Variants in NAB1 observed in about 807,000 individuals in gnomAD.
The protein encoded by NAB1 is NGFI-A binding protein 1.
Under a neutral mutation model 49.9 loss-of-function variants are expected in NAB1, and 25 were observed. The ratio of observed to expected loss-of-function variants is 0.50; its 90% CI spans 0.37 to 0.70. The LOEUF is 0.70. NAB1 is among the 30% of genes least tolerant of loss of function. NAB1 has a pLI of 0.00. For missense variants in NAB1, 489 were observed against 575.9 expected (o/e 0.85, Z 1.54); for synonymous variants, 198 against 215.6 (o/e 0.92, Z 0.71).
chr2:190,659,839 G>T lies in NAB1; in HGVS notation c.663G>T (p.Leu221=). 2 of 1,614,224 alleles carry T rather than the reference G, an allele frequency of 1.2e-6. No homozygotes were observed. Among genetic ancestry groups the T allele is most frequent in the Middle Eastern group, 1.6e-4 (1 of 6,062 alleles). ...PKSDLNEVKE[L]LKTNKKLAKM... ...GTGACTTGAATGAAGTGAAAGAGCT[G>T]CTAAAAACCAACAAGAAGTTGGCCA... is the stretch of plus-strand genomic sequence containing the variant. The change falls in exon 4 of 10, where the codon CTG becomes CTT. Residue 221 remains leucine (L), a synonymous_variant. Transcript: ENST00000337386. The surrounding 1 kb of genome is among the most constrained non-coding windows in gnomAD (Gnocchi z 6.2).
intron 3 of NAB1, among the ~76,000 whole-genome samples, chr2:190,656,808 TA>T: frequency 6.6e-6 from 1 of 152,308 alleles, no homozygotes. Context: ...TTATTGCTCA[TA>T]AAAAGATTTA....
chr2:190,650,233 C>A (rs1693592048), intron 2 of NAB1, among the ~76,000 whole-genome samples: 1 of 152,016 alleles, frequency 6.6e-6, no homozygotes, highest in Admixed American at 6.6e-5. Context: ...CCCTGAGATT[C>A]GGGAGGCACG....
intron 6 of NAB1, among the ~76,000 whole-genome samples, chr2:190,683,081 A>G (rs10195660): frequency 0.23 from 35,382 of 151,918 alleles, 4,211 homozygotes; most frequent in Middle Eastern, 0.27. Flanking sequence ...ACTAGGTTAA[A>G]TGTTTTTTAT....
chr2:190,672,961 G>T (rs1260025854), intron 5 of NAB1, 140 bp from the exon 6 acceptor site: 1 of 704,220 alleles, frequency 1.4e-6, no homozygotes, highest in Admixed American at 2.8e-5. Context: ...TTATTTTAAT[G>T]ATCATTATGA....
Position 190,675,534 on chromosome 2 carries a change from C to G in NAB1, c.1005+2382C>G, listed in dbSNP as rs769940518. Among the ~76,000 whole-genome samples the G allele has an allele frequency of 6.6e-6, 1 of 152,148 alleles. No individual in the cohort carries two copies. The highest frequency in any genetic ancestry group is 1.5e-5 in the Non-Finnish European group (1 of 68,028). On this transcript the variant is annotated intron_variant, in intron 6 of 9. Transcript: ENST00000337386. This position sits in a 1 kb window ranked among gnomAD's most constrained non-coding sequence, Gnocchi z 5.2. ...GAGATACTTGAGTTATAGTTCTATACGGTTAGTTTATTGGTTTACTGGAGG... is the reference window on the plus strand; with the variant it reads ...GAGATACTTGAGTTATAGTTCTATAGGGTTAGTTTATTGGTTTACTGGAGG...
Position 190,651,834 on chromosome 2 carries a change from A to G in NAB1, c.-197+1852A>G, listed in dbSNP as rs1693682666. Among the ~76,000 whole-genome samples, 1 of 152,214 alleles carries G rather than the reference A, an allele frequency of 6.6e-6. No individual in the cohort carries two copies. Among genetic ancestry groups the G allele is most frequent in the Non-Finnish European group, 1.5e-5 (1 of 68,032 alleles). On this transcript the variant is annotated intron_variant, in intron 2 of 9. Transcript: ENST00000337386. The surrounding 1 kb of genome is among the most constrained non-coding windows in gnomAD (Gnocchi z 4.3). ...TATAATATGTTTTGAACAGTTTAAG[A>G]TCATGCTAATGTATAATCAACCCGT...
At position 190,682,290 on chromosome 2, in the gene NAB1, A is replaced by G. The variant is rs1695387657; in HGVS notation, c.1006-1448A>G. 6.6e-6 allele frequency among the ~76,000 whole-genome samples: 1 copy of G among 152,216 alleles called. No individual in the cohort carries two copies. Among genetic ancestry groups the G allele is most frequent in the South Asian group, 2.1e-4 (1 of 4,832 alleles). Reference sequence around the variant, plus strand: ...CTTTATCTCATTTGGTCCTCACAACAATCCTAATAGATAGGTTCTCCTATC... The same window carrying G: ...CTTTATCTCATTTGGTCCTCACAACGATCCTAATAGATAGGTTCTCCTATC... On this transcript the variant is annotated intron_variant, in intron 6 of 9. Transcript: ENST00000337386. The surrounding 1 kb of genome is among the most constrained non-coding windows in gnomAD (Gnocchi z 4.1).
intron 2 of NAB1, among the ~76,000 whole-genome samples, chr2:190,653,083 G>C (rs1304025839): frequency 6.6e-6 from 1 of 152,182 alleles, no homozygotes; most frequent in Non-Finnish European, 1.5e-5. Context: ...CCCTGACACA[G>C]AGGCTCATCC....
Position 190,684,986 on chromosome 2 carries a change from G to GA in NAB1, c.1096-488dup, listed in dbSNP as rs1426531705. On this transcript the variant is annotated intron_variant, in intron 7 of 9. Coordinates refer to ENST00000337386, the MANE Select transcript of NAB1 (RefSeq NM_005966.4). This position sits in a 1 kb window ranked among gnomAD's most constrained non-coding sequence, Gnocchi z 4.6. ...AATTTACATTGTTTAATTTTAGTGG[G>GA]AAGTGTATTTGTCTTGTTCTTCTAG... is the stretch of plus-strand genomic sequence containing the variant. 6.6e-6 allele frequency among the ~76,000 whole-genome samples: 1 copy of GA among 152,126 alleles called. No homozygotes were observed. Among genetic ancestry groups the GA allele is most frequent in the Non-Finnish European group, 1.5e-5 (1 of 68,008 alleles).
chr2:190,674,835 G>A lies in NAB1; in HGVS notation c.1005+1683G>A, dbSNP rs1424704466. On this transcript the variant is annotated intron_variant, in intron 6 of 9. Transcript: ENST00000337386. The surrounding 1 kb of genome is among the most constrained non-coding windows in gnomAD (Gnocchi z 5.7). The stretch of plus-strand genomic sequence containing the variant: ...GGAGGCCAAGACAGAAGGATTGCTT[G>A]AGCTCAGGAGGTCGAGACCAGCCTG... 1.3e-5 allele frequency among the ~76,000 whole-genome samples: 2 copies of A among 152,182 alleles called. No individual in the cohort carries two copies. Among genetic ancestry groups the A allele is most frequent in the African/African-American group, 4.8e-5 (2 of 41,446 alleles).
chr2:190,664,719 A>T (rs1272960381), intron 4 of NAB1, among the ~76,000 whole-genome samples: 1 of 146,374 alleles, frequency 6.8e-6, no homozygotes, highest in East Asian at 2.0e-4. Context: ...GACGTGAGCC[A>T]CCACACCTGG....
In NAB1 at chr2:190,692,505, A is replaced by C. The variant is rs1236310756; in HGVS notation, c.*2172A>C. On this transcript the variant is annotated 3_prime_UTR_variant, in exon 10 of 10. Coordinates refer to ENST00000337386, the MANE Select transcript of NAB1 (RefSeq NM_005966.4). This position sits in a 1 kb window ranked among gnomAD's most constrained non-coding sequence, Gnocchi z 5.2. ...AAACTTGCTATACATTAAAGCAAAT[A>C]ATATATATTTTTATTTGAATTGTAT... 2.0e-5 allele frequency: 3 copies of C among 152,656 alleles called. No homozygotes were observed. Among genetic ancestry groups the C allele is most frequent in the Admixed American group, 6.5e-5 (1 of 15,288 alleles). 9.5% of individuals were successfully genotyped at this position (152,656 alleles called of 1,614,324 possible).
At chr2:190,662,081 A>C (rs1167381122) in intron 4 of NAB1, among the ~76,000 whole-genome samples, 1 of 152,202 alleles carries the variant, frequency 6.6e-6, no homozygotes, top group Non-Finnish European at 1.5e-5. Flanking sequence ...CAATTTCCAC[A>C]TAAGGAATAC....
rs940498618 is a variant in NAB1 at position 190,667,010 on chromosome 2, A to G, written c.820-3316A>G. ...CAGCTAGGGAGCATGAAATCTAGGT[A>G]ACTCTGACAGAACACGTGTTTTTAA... On this transcript the variant is annotated intron_variant, in intron 4 of 9. Transcript: ENST00000337386. This position sits in a 1 kb window ranked among gnomAD's most constrained non-coding sequence, Gnocchi z 4.4. Among the ~76,000 whole-genome samples, 4 of 152,200 alleles carry G rather than the reference A, an allele frequency of 2.6e-5. No individual in the cohort carries two copies. The highest frequency in any genetic ancestry group is 5.9e-5 in the Non-Finnish European group (4 of 68,034).
rs1693958845 is a variant in NAB1 at position 190,657,049 on chromosome 2, T to C, written c.-20+896T>C. Among the ~76,000 whole-genome samples the C allele has an allele frequency of 6.6e-6, 1 of 152,232 alleles. No individual in the cohort carries two copies. The highest frequency in any genetic ancestry group is 2.1e-4 in the South Asian group (1 of 4,828). On this transcript the variant is annotated intron_variant, in intron 3 of 9. Transcript: ENST00000337386. This position sits in a 1 kb window ranked among gnomAD's most constrained non-coding sequence, Gnocchi z 4.4. Reference sequence around the variant, plus strand: ...ATACACATTACACATGTACTTTTTTTTTCTGTATTGCGTTGAAAGCCTATG... The same window carrying C: ...ATACACATTACACATGTACTTTTTTCTTCTGTATTGCGTTGAAAGCCTATG...
chr2:190,659,412 C>G lies in NAB1; in HGVS notation c.236C>G (p.Pro79Arg), dbSNP rs1336109000. ...GCTTTGAGAGACTGGGTCACAAACC[C>G]TGGGCTTTTCAATCAGCCACTGACT... Reference protein sequence around the residue: ...QKALRDWVTNPGLFNQPLTSL... With the variant: ...QKALRDWVTNRGLFNQPLTSL... The change falls in exon 4 of 10, where the codon CCT becomes CGT. Residue 79 changes from proline to arginine, a missense_variant. Coordinates refer to ENST00000337386, the MANE Select transcript of NAB1 (RefSeq NM_005966.4). The surrounding 1 kb of genome is among the most constrained non-coding windows in gnomAD (Gnocchi z 6.2). 2.5e-6 allele frequency: 4 copies of G among 1,614,150 alleles called. No individual in the cohort carries two copies. The South Asian group carries it at 4.4e-5, about 18-fold the overall frequency.
At position 190,680,674 on chromosome 2, in the gene NAB1, C is replaced by G. The variant is rs1335233536; in HGVS notation, c.1006-3064C>G. Among the ~76,000 whole-genome samples the G allele has an allele frequency of 6.6e-6, 1 of 152,172 alleles. No individual in the cohort carries two copies. Among genetic ancestry groups the G allele is most frequent in the African/African-American group, 2.4e-5 (1 of 41,438 alleles). On this transcript the variant is annotated intron_variant, in intron 6 of 9. Coordinates refer to ENST00000337386, the MANE Select transcript of NAB1 (RefSeq NM_005966.4). This position sits in a 1 kb window ranked among gnomAD's most constrained non-coding sequence, Gnocchi z 5.2. The stretch of plus-strand genomic sequence containing the variant: ...CAGTGTTCTTTTCACTGAGATAGTT[C>G]CCCACGAATGTGCTTAATATTCTCT...
At chr2:190,671,984 C>G (rs1694837980) in intron 5 of NAB1, among the ~76,000 whole-genome samples, 1 of 152,034 alleles carries the variant, frequency 6.6e-6, no homozygotes, top group Admixed American at 6.5e-5. Context: ...CCATGTTGGC[C>G]AGGATGGTCT....
rs1695197638 is a variant in NAB1, at chr2:190,678,867, T to C, written c.1006-4871T>C. Among the ~76,000 whole-genome samples, 1 of 152,170 alleles carries C rather than the reference T, an allele frequency of 6.6e-6. No individual in the cohort carries two copies. The highest frequency in any genetic ancestry group is 1.5e-5 in the Non-Finnish European group (1 of 68,032). On this transcript the variant is annotated intron_variant, in intron 6 of 9. Coordinates refer to ENST00000337386, the MANE Select transcript of NAB1 (RefSeq NM_005966.4). This position sits in a 1 kb window ranked among gnomAD's most constrained non-coding sequence, Gnocchi z 4.9. Reference sequence around the variant, plus strand: ...TGATTAGAAAAAAGGAAAATGCACATGTGGGGTTGAGAACATCTGCTGTAA... The same window carrying C: ...TGATTAGAAAAAAGGAAAATGCACACGTGGGGTTGAGAACATCTGCTGTAA...
Sources: allele counts gnomAD v4.1 joint callset (sites outside exome capture counted in the v4.1 genomes callset), GRCh38; gene constraint gnomAD v4.1.1; non-coding constraint Gnocchi (gnomAD v3.1); transcripts MANE v1.5; gene names NCBI Gene and HGNC (gene_info 2026-07-23, HGNC 2026-07-21).